Variants in CFAP70 observed in about 807,000 individuals in gnomAD.
CFAP70 encodes the protein cilia and flagella associated protein 70.
In CFAP70, 81 loss-of-function variants were observed where a neutral mutation model predicts 137.6. The ratio of observed to expected loss-of-function variants is 0.59; its 90% CI spans 0.49 to 0.71. CFAP70 has a LOEUF of 0.71. Ranked by LOEUF, CFAP70 falls within the 30% of genes least tolerant of loss-of-function variation. CFAP70 has a pLI of 0.00. For missense variants in CFAP70, 976 were observed against 1,226.7 expected, an observed-to-expected ratio of 0.80 and a Z score of 3.05; for synonymous variants, 382 against 423.6, an observed-to-expected ratio of 0.90 and a Z score of 1.20.
chr10:73,313,109 A>T (rs2050054210), intron 9 of CFAP70, among the ~76,000 whole-genome samples: 1 of 152,008 alleles, frequency 6.6e-6, no homozygotes, highest in South Asian at 2.1e-4. Context: ...GTGGTGGCTC[A>T]TGCCTGTAAT....
chr10:73,331,031 C>T (rs2132299941), intron 8 of CFAP70, 146 bp downstream of exon 9: 2 of 556,442 alleles, frequency 3.6e-6, no homozygotes, highest in African/African-American at 1.9e-5. Flanking sequence ...AAACAAGTGA[C>T]ATTCAAGGCA....
intron 19 of CFAP70, among the ~76,000 whole-genome samples, chr10:73,283,795 G>A (rs747957475): frequency 6.6e-5 from 10 of 152,022 alleles, no homozygotes; most frequent in Admixed American, 1.3e-4. Context: ...GGCCTCAAGC[G>A]ATCCTCCCAC....
intron 4 of CFAP70, among the ~76,000 whole-genome samples, chr10:73,346,638 C>T (rs980843806): frequency 6.7e-6 from 1 of 149,198 alleles, no homozygotes; most frequent in African/African-American, 2.5e-5. Flanking sequence ...GGCAAAACTC[C>T]ATCTCAAAAA....
At chr10:73,262,621 T>C (rs1465598744) in intron 25 of CFAP70, among the ~76,000 whole-genome samples, 3 of 152,140 alleles carry the variant, frequency 2.0e-5, no homozygotes, top group Admixed American at 2.0e-4. Context: ...AAAAAGAAAT[T>C]GTGCATATTT....
At position 73,261,259 on chromosome 10, in the gene CFAP70, T is replaced by C. The variant is rs368787308; in HGVS notation, c.3028-4843A>G. On this transcript the variant is annotated intron_variant, in intron 25 of 26. Transcript: ENST00000310715. ...CTCTCATCTCAGCCTCCCAAGTACA[T>C]GGGACTACAGGCACATGCCACCACC... 1.2e-4 allele frequency among the ~76,000 whole-genome samples: 18 copies of C among 152,230 alleles called. No individual in the cohort carries two copies. The South Asian group carries it at 2.5e-3, about 21-fold the overall frequency.
At chr10:73,332,519 C>T (rs951542516) in intron 7 of CFAP70, among the ~76,000 whole-genome samples, 2 of 152,158 alleles carry the variant, frequency 1.3e-5, no homozygotes, top group Non-Finnish European at 2.9e-5. Context: ...TTATCAAACA[C>T]TTCTGAAAGT....
intron 14 of CFAP70, 78 bp from the exon 16 acceptor site, chr10:73,297,251 TG>T: frequency 4.8e-6 from 7 of 1,463,434 alleles, no homozygotes; most frequent in South Asian, 4.4e-5. Context: ...TAGGGCTTTC[TG>T]GTCTAAAGCT....
At chr10:73,257,279 A>G (rs111689766) in intron 25 of CFAP70, among the ~76,000 whole-genome samples, 4 of 152,210 alleles carry the variant, frequency 2.6e-5, no homozygotes, top group African/African-American at 9.7e-5. Flanking sequence ...TTTAACTACT[A>G]CATTACTCTG....
At chr10:73,299,233 A>G in intron 13 of CFAP70, 132 bp from the exon 15 acceptor site, 1 of 725,800 alleles carries the variant, frequency 1.4e-6, no homozygotes, top group South Asian at 1.9e-5. Flanking sequence ...TGTTTTAGAG[A>G]CAAGGTCTCT....
chr10:73,313,542 C>CAAA (rs35177327), intron 9 of CFAP70, among the ~76,000 whole-genome samples: 1 of 90,316 alleles, frequency 1.1e-5, no homozygotes, highest in Non-Finnish European at 2.4e-5. Flanking sequence ...GACTCTGTCT[C>CAAA]AAAAAAAAAA....
Position 73,341,002 on chromosome 10 carries a change from G to A in CFAP70, c.582+397C>T, listed in dbSNP as rs555882316. ...TAGGCCCAGTCAGGACTCCCCCACT[G>A]CAGCCAGCATCATGGCAGGAGCTGC... On this transcript the variant is annotated intron_variant, in intron 6 of 26. Coordinates refer to ENST00000310715, the Ensembl canonical transcript of CFAP70. 1.1e-4 allele frequency among the ~76,000 whole-genome samples: 17 copies of A among 152,270 alleles called. No individual in the cohort carries two copies. In the East Asian group the frequency reaches 3.3e-3, roughly 29 times the overall value.
intron 9 of CFAP70, among the ~76,000 whole-genome samples, chr10:73,322,417 A>G (rs1285229111): frequency 1.3e-5 from 2 of 152,126 alleles, no homozygotes; most frequent in Non-Finnish European, 2.9e-5. Flanking sequence ...TATTTTAAAA[A>G]ATGTTTTTAA....
chr10:73,340,975 T>C, intron 6 of CFAP70, among the ~76,000 whole-genome samples: 1 of 152,142 alleles, frequency 6.6e-6, no homozygotes, highest in East Asian at 1.9e-4. Context: ...CCATGGAGCG[T>C]GTAGGCCCAG....
chr10:73,298,439 T>C (rs1430250152), intron 14 of CFAP70, among the ~76,000 whole-genome samples: 1 of 152,188 alleles, frequency 6.6e-6, no homozygotes, highest in African/African-American at 2.4e-5. Context: ...TTTTAAAAAG[T>C]AAAATGTAAT....
At chr10:73,297,086 G>C (rs749409788) in exon 15 of CFAP70, 3 of 1,613,864 alleles carry the variant, frequency 1.9e-6, no homozygotes, top group Non-Finnish European at 2.5e-6. Flanking sequence ...AACACATAGA[G>C]CTCACTGATA....
At chr10:73,360,782 T>G (rs1009066604), upstream of CFAP70, among the ~76,000 whole-genome samples, 3 of 152,294 alleles carry the variant, frequency 2.0e-5, no homozygotes, top group Middle Eastern at 3.4e-3. Context: ...CTATCCCACT[T>G]GCAAATGACA....
At chr10:73,277,636 C>T (rs1589316993) in intron 20 of CFAP70, among the ~76,000 whole-genome samples, 1 of 151,312 alleles carries the variant, frequency 6.6e-6, no homozygotes, top group South Asian at 2.1e-4. Context: ...TCACTTGAAC[C>T]AAGGAGTCAG....
At chr10:73,284,327 A>C (rs1259647348) in intron 19 of CFAP70, among the ~76,000 whole-genome samples, 1 of 152,026 alleles carries the variant, frequency 6.6e-6, no homozygotes, top group Non-Finnish European at 1.5e-5. Context: ...CTCTCATATA[A>C]GGACCCTTGT....
At chr10:73,346,501 G>A (rs891530659) in intron 4 of CFAP70, among the ~76,000 whole-genome samples, 5 of 151,884 alleles carry the variant, frequency 3.3e-5, no homozygotes, top group East Asian at 3.9e-4. Context: ...AAAATTAGCC[G>A]GGCATGGTGG....
Sources: allele counts gnomAD v4.1 joint callset (sites outside exome capture counted in the v4.1 genomes callset), GRCh38; gene constraint gnomAD v4.1.1; transcripts MANE v1.5; gene names NCBI Gene and HGNC (gene_info 2026-07-23, HGNC 2026-07-21).